PNLIPRP1: variants seen among roughly 807,000 people sequenced by gnomAD.
PNLIPRP1 encodes the protein inactive pancreatic lipase-related protein 1.
Under a neutral mutation model 54.6 loss-of-function variants are expected in PNLIPRP1, and 57 were observed. The ratio of observed to expected loss-of-function variants is 1.04; its 90% CI spans 0.84 to 1.30. The LOEUF is 1.30. PNLIPRP1 is among the 50% of genes most tolerant of loss of function. The pLI is 0.00. For missense variants in PNLIPRP1, 567 were observed against 568.5 expected, an observed-to-expected ratio of 1.00 and a Z score of 0.03; for synonymous variants, 232 against 208.8, an observed-to-expected ratio of 1.11 and a Z score of -0.96.
chr10:116,599,291 TAAAATAA>T (rs1847790706), intron 8 of PNLIPRP1, among the ~76,000 whole-genome samples: 1 of 116,400 alleles, frequency 8.6e-6, no homozygotes, highest in Non-Finnish European at 2.1e-5. Context: ...TAAAATAAAA[TAAAATAA>T]AAAATAAAGA....
intron 12 of PNLIPRP1, among the ~76,000 whole-genome samples, chr10:116,606,154 T>C (rs1436461919): frequency 1.3e-5 from 2 of 152,118 alleles, no homozygotes; most frequent in Non-Finnish European, 2.9e-5. Context: ...TAGTAGAACA[T>C]GTGGCTTTGT....
At chr10:116,596,153 G>A in intron 5 of PNLIPRP1, 61 bp from the exon 6 acceptor site, 1 of 1,112,664 alleles carries the variant, frequency 9.0e-7, no homozygotes, top group Non-Finnish European at 1.4e-6. Context: ...TATCCATTAG[G>A]CTGGCATTTT....
At chr10:116,605,581 A>C in intron 12 of PNLIPRP1, 28 bp downstream of exon 12, 4 of 1,446,562 alleles carry the variant, frequency 2.8e-6, no homozygotes, top group Non-Finnish European at 3.7e-6. Flanking sequence ...CTGGTGCCTA[A>C]AAATGTTTGC....
chr10:116,599,360 T>A (rs530728572), intron 8 of PNLIPRP1, among the ~76,000 whole-genome samples: 132 of 152,248 alleles, frequency 8.7e-4, no homozygotes, highest in Non-Finnish European at 1.3e-3. Flanking sequence ...TTTGCGTGCA[T>A]AGGGCAGTCA....
intron 4 of PNLIPRP1, 181 bp from the exon 5 acceptor site, chr10:116,594,549 C>T: frequency 2.9e-6 from 2 of 679,180 alleles, no homozygotes; most frequent in Non-Finnish European, 5.0e-6. Context: ...ATCAGTTTGC[C>T]TTTCTCATAG....
At position 116,608,967 on chromosome 10, in the gene PNLIPRP1, C is replaced by A. The variant is rs1554865906; in HGVS notation, c.1341-86C>A. ...CTTAACCCCTTAAGAAAAACCAAAC[C>A]AAACCAAACCAAACCAAAACAAAAC... On this transcript the variant is annotated intron_variant, in intron 12 of 12. Transcript: ENST00000358834. 11 of 1,093,180 alleles carry A rather than the reference C, an allele frequency of 1.0e-5. 1 individual carries two copies. The highest frequency in any genetic ancestry group is 1.6e-5 in the Non-Finnish European group (11 of 707,870). The allele number at this position is 1,093,180 out of a possible 1,614,324, so 67.7% of individuals were successfully genotyped here. A position where few individuals can be genotyped will look rare whatever the true frequency, so the allele number is the denominator to read the frequency against.
At chr10:116,595,312 T>A (rs1847716522) in intron 5 of PNLIPRP1, 1 of 169,528 alleles carries the variant, frequency 5.9e-6, no homozygotes. Flanking sequence ...ACTGGCCTGG[T>A]GGTATGGGTC....
At chr10:116,592,748 C>T (rs1847663866) in intron 4 of PNLIPRP1, 6 of 656,564 alleles carry the variant, frequency 9.1e-6, no homozygotes, top group Non-Finnish European at 1.4e-5. Context: ...TAGAAAAGTA[C>T]TCCTACTACC....
intron 8 of PNLIPRP1, among the ~76,000 whole-genome samples, chr10:116,599,418 G>A (rs1398713812): frequency 1.3e-5 from 2 of 152,172 alleles, no homozygotes; most frequent in Non-Finnish European, 2.9e-5. Context: ...AGGTCTAGAA[G>A]GTATAATGTA....
intron 2 of PNLIPRP1, among the ~76,000 whole-genome samples, 185 bp from the exon 3 acceptor site, chr10:116,591,586 A>ATAC (rs148419179): frequency 0.054 from 8,225 of 152,250 alleles, 297 homozygotes; most frequent in Non-Finnish European, 0.084. Flanking sequence ...AATGGGACTG[A>ATAC]TACTACTACC....
Position 116,594,712 on chromosome 10 carries a change from C to T in PNLIPRP1, c.331-18C>T, listed in dbSNP as rs1554863695. The T allele has an allele frequency of 6.2e-7, 1 of 1,613,992 alleles. No homozygotes were observed. The highest frequency in any genetic ancestry group is 8.5e-7 in the Non-Finnish European group (1 of 1,179,914). ...TGCTCCCATTATCTCCCCAACCCCA[C>T]TATCTCCCCAACACCAGAAACTGTT... On this transcript the variant is annotated intron_variant, in intron 4 of 12. Coordinates refer to ENST00000358834, the MANE Select transcript of PNLIPRP1 (RefSeq NM_006229.4).
chr10:116,592,524 G>T lies in PNLIPRP1; in HGVS notation c.313G>T (p.Val105Leu), dbSNP rs781972431. The T allele has an allele frequency of 3.7e-6, 6 of 1,614,174 alleles. No homozygotes were observed. Among genetic ancestry groups the T allele is most frequent in the Non-Finnish European group, 5.1e-6 (6 of 1,180,032 alleles). The change falls in exon 4 of 13, where the codon GTG (valine) becomes TTG (leucine). Residue 105 changes from valine (V) to leucine (L), a missense_variant. Coordinates refer to ENST00000358834, the MANE Select transcript of PNLIPRP1 (RefSeq NM_006229.4). Reference protein sequence around the residue: ...GFIDKGDESWVTDMCKKLFEV... With the variant: ...GFIDKGDESWLTDMCKKLFEV... ...CATAGACAAAGGAGATGAGAGCTGGGTGACAGACATGTGCAAGGTAGGAGC... is the reference window on the plus strand; with the variant it reads ...CATAGACAAAGGAGATGAGAGCTGGTTGACAGACATGTGCAAGGTAGGAGC...
chr10:116,600,539 T>A (rs1263534987), intron 9 of PNLIPRP1: 1 of 188,542 alleles, frequency 5.3e-6, no homozygotes, highest in Non-Finnish European at 1.1e-5. Context: ...TAGAGAATAA[T>A]TCACACCAGA....
At chr10:116,591,076 C>T in intron 1 of PNLIPRP1, 54 bp from the exon 2 acceptor site, 1 of 1,441,746 alleles carries the variant, frequency 6.9e-7, no homozygotes, top group Non-Finnish European at 9.7e-7. Context: ...GGCGTCGGTG[C>T]TCACTGCTCT....
rs1174088021 is a variant in PNLIPRP1 at position 116,604,089 on chromosome 10, G to C, written c.1123G>C (p.Val375Leu). 3 of 1,613,640 alleles carry C rather than the reference G, an allele frequency of 1.9e-6. No individual in the cohort carries two copies. Among genetic ancestry groups the C allele is most frequent in the Non-Finnish European group, 2.5e-6 (3 of 1,179,730 alleles). Reference protein sequence around the residue: ...SGRTATGQIKVALFGNKGNTH... With the variant: ...SGRTATGQIKLALFGNKGNTH... Reference sequence around the variant, plus strand: ...AAGAACAGCCACTGGTCAGATCAAAGTTGCTTTGTTTGGAAATAAGGGAAA... The same window carrying C: ...AAGAACAGCCACTGGTCAGATCAAACTTGCTTTGTTTGGAAATAAGGGAAA... Residue 375 changes from valine (V) to leucine (L), a missense_variant, in exon 11 of 13, where the codon GTT becomes CTT. Val to Leu is a conservative substitution (Grantham distance 32, BLOSUM62 1). Transcript: ENST00000358834.
In PNLIPRP1 at chr10:116,600,159, T is replaced by C; in HGVS notation, c.927T>C (p.Phe309=). The C allele has an allele frequency of 1.2e-6, 2 of 1,600,168 alleles. No homozygotes were observed. The highest frequency in any genetic ancestry group is 1.7e-6 in the Non-Finnish European group (2 of 1,167,334). ...AAYPCTSYKS[F]ESDKCFPCPD... ...ATCCCTGCACTTCCTACAAGTCCTT[T>C]GAGTCTGTAAGCTATTGTCCTGCCT... Residue 309 remains phenylalanine, a synonymous_variant, in exon 9 of 13, where the codon TTT becomes TTC. Transcript: ENST00000358834.
intron 5 of PNLIPRP1, chr10:116,595,997 G>A (rs1415489243): frequency 1.6e-5 from 8 of 508,486 alleles, no homozygotes; most frequent in Non-Finnish European, 2.8e-5. Flanking sequence ...TGATGTATTC[G>A]AGGGTCTGAA....
intron 8 of PNLIPRP1, among the ~76,000 whole-genome samples, chr10:116,598,752 G>A (rs1847779242): frequency 6.6e-6 from 1 of 152,186 alleles, no homozygotes; most frequent in Non-Finnish European, 1.5e-5. Flanking sequence ...GCACACTTGG[G>A]AAGAAAGGGC....
Position 116,591,330 on chromosome 10 carries a change from G to C in PNLIPRP1, c.49+152G>C. On this transcript the variant is annotated intron_variant, in intron 2 of 12. Coordinates refer to ENST00000358834, the MANE Select transcript of PNLIPRP1 (RefSeq NM_006229.4). The stretch of plus-strand genomic sequence containing the variant: ...ACACTCTGCCTGGGAGAGTAGGCTG[G>C]GCAGTTTAAGGGAGACCTGTTTCTG... 3.1e-6 allele frequency: 2 copies of C among 641,824 alleles called. 1 individual carries two copies. 39.8% of individuals were successfully genotyped at this position (641,824 alleles called of 1,614,324 possible).
Sources: allele counts gnomAD v4.1 joint callset (sites outside exome capture counted in the v4.1 genomes callset), GRCh38; gene constraint gnomAD v4.1.1; transcripts MANE v1.5; gene names NCBI Gene and HGNC (gene_info 2026-07-23, HGNC 2026-07-21).